ZFP2: variants seen among roughly 807,000 people sequenced by gnomAD.
ZFP2 encodes zinc finger protein ZFP2.
A neutral mutation model predicts 36.1 loss-of-function variants in ZFP2; 33 were observed. The observed-to-expected ratio is 0.92, with a 90% CI of 0.69 to 1.22. The LOEUF (loss-of-function observed/expected upper bound fraction) is 1.22. Ranked by LOEUF, ZFP2 falls within the 50% of genes most tolerant of loss-of-function variation. The pLI is 0.00. For synonymous variants in ZFP2, 170 were observed against 178.0 expected (o/e 0.96, Z 0.36); for missense variants, 522 against 551.4 (o/e 0.95, Z 0.53).
chr5:178,903,207 C>A (rs1391449936), intron 1 of ZFP2, among the ~76,000 whole-genome samples: 1 of 152,186 alleles, frequency 6.6e-6, no homozygotes, highest in Non-Finnish European at 1.5e-5. Context: ...CATATCAATG[C>A]AACATTAGAG....
intron 4 of ZFP2, among the ~76,000 whole-genome samples, chr5:178,918,538 G>A (rs1758485604): frequency 1.3e-5 from 2 of 152,304 alleles, no homozygotes; most frequent in East Asian, 1.9e-4. Flanking sequence ...GTACTAAGGG[G>A]TCTGTGACAG....
chr5:178,933,076 C>T lies in ZFP2; in HGVS notation c.*377C>T, dbSNP rs1310346163. 3 of 176,748 alleles carry T rather than the reference C, an allele frequency of 1.7e-5. No individual in the cohort carries two copies. 10.9% of individuals were successfully genotyped at this position (176,748 alleles called of 1,614,324 possible). On this transcript the variant is annotated 3_prime_UTR_variant, in exon 5 of 5. Coordinates refer to ENST00000361362, the MANE Select transcript of ZFP2 (RefSeq NM_030613.4). ...GGTATGTAGTCCTAATCTGCCACTG[C>T]CTTGGACAACTTGCCTACTTCCACC... is the stretch of plus-strand genomic sequence containing the variant.
intron 4 of ZFP2, among the ~76,000 whole-genome samples, chr5:178,919,850 A>C (rs1263499040): frequency 6.6e-6 from 1 of 152,054 alleles, no homozygotes; most frequent in African/African-American, 2.4e-5. Context: ...AGTCCCAGCT[A>C]CTTGGGAGGC....
intron 4 of ZFP2, among the ~76,000 whole-genome samples, chr5:178,929,114 G>A (rs941820819): frequency 2.0e-5 from 3 of 151,870 alleles, no homozygotes; most frequent in Non-Finnish European, 4.4e-5. Context: ...GCAGGGCACC[G>A]GGCCCTGGGC....
At chr5:178,907,795 C>A (rs1316740559) in intron 1 of ZFP2, among the ~76,000 whole-genome samples, 1 of 152,140 alleles carries the variant, frequency 6.6e-6, no homozygotes, top group Non-Finnish European at 1.5e-5. Flanking sequence ...ACAGAAACTT[C>A]ATCAAAGAAA....
At chr5:178,926,839 C>A (rs187475384) in intron 4 of ZFP2, among the ~76,000 whole-genome samples, 1 of 152,250 alleles carries the variant, frequency 6.6e-6, no homozygotes, top group African/African-American at 2.4e-5. Flanking sequence ...TTTTCATACT[C>A]AGTTTGACAG....
intron 4 of ZFP2, among the ~76,000 whole-genome samples, chr5:178,918,578 T>G (rs990198931): frequency 1.3e-5 from 2 of 152,164 alleles, no homozygotes; most frequent in Non-Finnish European, 2.9e-5. Flanking sequence ...AGACTCTAGT[T>G]CATGTCCTGG....
chr5:178,916,527 C>A (rs1046481290), intron 3 of ZFP2, 38 bp from the exon 4 acceptor site: 82 of 984,960 alleles, frequency 8.3e-5, no homozygotes, highest in Non-Finnish European at 9.6e-5. Flanking sequence ...GCCCATAGAA[C>A]ATGATGATTT....
intron 4 of ZFP2, among the ~76,000 whole-genome samples, chr5:178,919,834 G>A (rs1231679090): frequency 6.6e-6 from 1 of 152,080 alleles, no homozygotes; most frequent in Non-Finnish European, 1.5e-5. Flanking sequence ...GGTAGTGCAT[G>A]CCTGTAGTCC....
At chr5:178,913,162 C>A in intron 3 of ZFP2, 91 bp downstream of exon 3, 1 of 690,168 alleles carries the variant, frequency 1.4e-6, no homozygotes, top group Non-Finnish European at 1.8e-6. Flanking sequence ...AGACTAGGGC[C>A]ACTGGATGTG....
chr5:178,921,913 G>C (rs548688801), intron 4 of ZFP2, among the ~76,000 whole-genome samples: 1 of 149,360 alleles, frequency 6.7e-6, no homozygotes, highest in African/African-American at 2.4e-5. Flanking sequence ...ATCAGGAAGA[G>C]GATCCTCTAC....
At position 178,932,077 on chromosome 5, in the gene ZFP2, T is replaced by C. The variant is rs747980769; in HGVS notation, c.764T>C (p.Met255Thr). Residue 255 changes from methionine to threonine, a missense_variant, in exon 5 of 5, where the codon ATG becomes ACG. Met to Thr is a moderately conservative substitution (Grantham distance 81). Transcript: ENST00000361362. The stretch of plus-strand genomic sequence containing the variant: ...TGTGGAAAAGCCTTCAGTCAAAGCA[T>C]GCATCTTATTGTACATCAGAGAAGC... ...NECGKAFSQS[M>T]HLIVHQRSHT... is the part of the protein sequence containing the mutation. 3 of 1,613,936 alleles carry C rather than the reference T, an allele frequency of 1.9e-6. No homozygotes were observed. The highest frequency in any genetic ancestry group is 2.5e-6 in the Non-Finnish European group (3 of 1,179,964).
chr5:178,931,171 C>T, intron 4 of ZFP2, 66 bp from the exon 5 acceptor site: 1 of 1,432,134 alleles, frequency 7.0e-7, no homozygotes, highest in South Asian at 1.6e-5. Flanking sequence ...CTCATTCCTA[C>T]CTTATGCAGT....
chr5:178,913,428 GT>G (rs1301977214), intron 3 of ZFP2, among the ~76,000 whole-genome samples: 1 of 152,152 alleles, frequency 6.6e-6, no homozygotes, highest in Non-Finnish European at 1.5e-5. Flanking sequence ...TTTCATGAGT[GT>G]TTCCTCTCAA....
chr5:178,928,526 A>G (rs560200931), intron 4 of ZFP2, among the ~76,000 whole-genome samples: 2 of 152,384 alleles, frequency 1.3e-5, no homozygotes, highest in East Asian at 3.9e-4. Flanking sequence ...CAGGGCAGTC[A>G]TTAAATCTTA....
intron 1 of ZFP2, chr5:178,910,289 G>A: frequency 7.5e-7 from 1 of 1,341,694 alleles, no homozygotes; most frequent in Non-Finnish European, 1.1e-6. Context: ...AGTGCTCCAT[G>A]CCTTCCTCCA....
intron 3 of ZFP2, among the ~76,000 whole-genome samples, chr5:178,914,507 G>A (rs903660928): frequency 6.6e-6 from 1 of 152,064 alleles, no homozygotes; most frequent in Non-Finnish European, 1.5e-5. Context: ...TATTACTATT[G>A]ATATTTGTAT....
At chr5:178,925,545 C>T (rs1209110271) in intron 4 of ZFP2, among the ~76,000 whole-genome samples, 1 of 149,642 alleles carries the variant, frequency 6.7e-6, no homozygotes, top group East Asian at 1.9e-4. Context: ...TGCATCTTTC[C>T]AAAATCTGAA....
chr5:178,928,054 G>A (rs1302320885), intron 4 of ZFP2, among the ~76,000 whole-genome samples: 1 of 151,794 alleles, frequency 6.6e-6, no homozygotes, highest in East Asian at 2.0e-4. Flanking sequence ...GATCTCATGA[G>A]AACTCACTCA....
Sources: allele counts gnomAD v4.1 joint callset (sites outside exome capture counted in the v4.1 genomes callset), GRCh38; gene constraint gnomAD v4.1.1; transcripts MANE v1.5; gene names NCBI Gene and HGNC (gene_info 2026-07-23, HGNC 2026-07-21).